The following COLEC12 variants were observed in gnomAD, a reference collection of about 807,000 sequenced individuals.
The protein encoded by COLEC12 is collectin-12.
A neutral mutation model predicts 71.1 loss-of-function variants in COLEC12; 33 were observed. The ratio of observed to expected loss-of-function variants is 0.46; its 90% CI spans 0.35 to 0.62. The LOEUF is 0.62. Ranked by LOEUF, COLEC12 falls within the 20% of genes least tolerant of loss-of-function variation. COLEC12 has a pLI of 0.00. For missense variants in COLEC12, 765 were observed against 916.1 expected (o/e 0.84, Z 2.13); for synonymous variants, 350 against 353.0 (o/e 0.99, Z 0.10).
intron 9 of COLEC12, among the ~76,000 whole-genome samples, chr18:321,177 C>G (rs1172230395): frequency 2.0e-5 from 3 of 152,214 alleles, no homozygotes; most frequent in Non-Finnish European, 4.4e-5. Flanking sequence ...GCCTCAGCCT[C>G]CTGAGTAGCT....
intron 2 of COLEC12, among the ~76,000 whole-genome samples, chr18:418,432 G>T (rs1916030988): frequency 6.6e-6 from 1 of 152,180 alleles, no homozygotes; most frequent in Non-Finnish European, 1.5e-5. Context: ...TCCTGGGTCT[G>T]TCTCTGTCAG....
At chr18:332,557 T>C (rs1223349374) in intron 7 of COLEC12, among the ~76,000 whole-genome samples, 3 of 152,186 alleles carry the variant, frequency 2.0e-5, no homozygotes, top group African/African-American at 7.2e-5. Flanking sequence ...GCCTGGCATA[T>C]AGAGGGTCTA....
At chr18:373,808 C>T (rs1259798608) in intron 2 of COLEC12, among the ~76,000 whole-genome samples, 2 of 152,058 alleles carry the variant, frequency 1.3e-5, no homozygotes, top group Non-Finnish European at 2.9e-5. Flanking sequence ...ACTTGGTGCA[C>T]ACCCTGTGTC....
intron 2 of COLEC12, among the ~76,000 whole-genome samples, chr18:390,421 GCT>G (rs1915438501): frequency 6.6e-6 from 1 of 152,148 alleles, no homozygotes; most frequent in African/African-American, 2.4e-5. Context: ...AGTTCAATGG[GCT>G]AAGGATCATT....
At chr18:442,743 C>T (rs1168100325) in intron 2 of COLEC12, among the ~76,000 whole-genome samples, 3 of 152,214 alleles carry the variant, frequency 2.0e-5, no homozygotes, top group Admixed American at 6.5e-5. Flanking sequence ...AGGCGGATCA[C>T]GAGGTAAGGA....
intron 4 of COLEC12, 29 bp from the exon 5 acceptor site, chr18:347,370 T>C (rs534584849): frequency 1.8e-5 from 29 of 1,580,214 alleles, no homozygotes; most frequent in East Asian, 6.7e-5. Context: ...GTGACTTATA[T>C]TGGTGGTATG....
At chr18:324,609 A>C (rs1250869903) in intron 8 of COLEC12, among the ~76,000 whole-genome samples, 2 of 152,136 alleles carry the variant, frequency 1.3e-5, no homozygotes, top group African/African-American at 4.8e-5. Context: ...TGGGTGGATC[A>C]CCTGAGGTCA....
At chr18:343,288 C>T (rs1193090472) in intron 5 of COLEC12, among the ~76,000 whole-genome samples, 2 of 152,146 alleles carry the variant, frequency 1.3e-5, no homozygotes, top group Non-Finnish European at 2.9e-5. Flanking sequence ...CACCTTGAGG[C>T]CGAGGACTCC....
intron 3 of COLEC12, among the ~76,000 whole-genome samples, chr18:349,663 GGA>G (rs1914465227): frequency 6.6e-6 from 1 of 152,212 alleles, no homozygotes; most frequent in South Asian, 2.1e-4. Context: ...AAAGCAGCAG[GGA>G]GAGAGGCTGT....
intron 2 of COLEC12, among the ~76,000 whole-genome samples, chr18:440,974 C>T (rs1489652413): frequency 3.9e-5 from 6 of 152,106 alleles, no homozygotes; most frequent in African/African-American, 1.2e-4. Flanking sequence ...GCAGGCCGGG[C>T]GTGGTGGCTC....
At chr18:430,071 G>A (rs1301502294) in intron 2 of COLEC12, among the ~76,000 whole-genome samples, 1 of 152,130 alleles carries the variant, frequency 6.6e-6, no homozygotes, top group Admixed American at 6.6e-5. Context: ...AATCCGGCTG[G>A]GCGTGGTGGC....
intron 2 of COLEC12, among the ~76,000 whole-genome samples, chr18:442,167 T>C (rs1194478038): frequency 6.7e-6 from 1 of 149,922 alleles, no homozygotes; most frequent in Admixed American, 6.6e-5. Flanking sequence ...AGTCAGAAAA[T>C]GACACAGAGA....
intron 3 of COLEC12, among the ~76,000 whole-genome samples, chr18:354,721 T>C (rs575848044): frequency 1.3e-5 from 2 of 152,084 alleles, no homozygotes; most frequent in Non-Finnish European, 2.9e-5. Flanking sequence ...TCATTAATGG[T>C]GTGTTTGGAA....
chr18:453,260 CA>C (rs1418942448), intron 2 of COLEC12, among the ~76,000 whole-genome samples: 1 of 152,068 alleles, frequency 6.6e-6, no homozygotes, highest in African/African-American at 2.4e-5. Flanking sequence ...GACACAAGGA[CA>C]AGAGGCACTC....
intron 5 of COLEC12, among the ~76,000 whole-genome samples, chr18:343,367 G>A (rs1914299428): frequency 6.6e-6 from 1 of 151,996 alleles, no homozygotes; most frequent in Non-Finnish European, 1.5e-5. Flanking sequence ...CTGTTGTCAG[G>A]GCAAGGAAAG....
At position 373,350 on chromosome 18, in the gene COLEC12, T is replaced by C. The variant is rs948393640; in HGVS notation, c.59-15828A>G. On this transcript the variant is annotated intron_variant, in intron 2 of 9. Coordinates refer to ENST00000400256, the MANE Select transcript of COLEC12 (RefSeq NM_130386.3). ...TCTCCCACGAGGCTTTCGATCCTAA[T>C]GTAAGGAGCAGACCTCTCCCGTCAG... Among the ~76,000 whole-genome samples, 7 of 152,136 alleles carry C rather than the reference T, an allele frequency of 4.6e-5. No homozygotes were observed. In the East Asian group the frequency reaches 5.8e-4, roughly 13 times the overall value.
chr18:382,676 T>C (rs532393855), intron 2 of COLEC12, among the ~76,000 whole-genome samples: 2 of 152,310 alleles, frequency 1.3e-5, no homozygotes, highest in East Asian at 3.9e-4. Context: ...ATAGGATTAT[T>C]GTATAGATTA....
chr18:441,247 CA>C (rs1212987466), intron 2 of COLEC12, among the ~76,000 whole-genome samples: 3 of 151,362 alleles, frequency 2.0e-5, no homozygotes, highest in Non-Finnish European at 4.4e-5. Flanking sequence ...GACTCTGTCT[CA>C]AAAAATAAAT....
chr18:443,194 T>C (rs1280089003), intron 2 of COLEC12, among the ~76,000 whole-genome samples: 1 of 152,256 alleles, frequency 6.6e-6, no homozygotes, highest in Non-Finnish European at 1.5e-5. Context: ...TGTAAGCTCT[T>C]AAAAACACAT....
Sources: allele counts gnomAD v4.1 joint callset (sites outside exome capture counted in the v4.1 genomes callset), GRCh38; gene constraint gnomAD v4.1.1; transcripts MANE v1.5; gene names NCBI Gene and HGNC (gene_info 2026-07-23, HGNC 2026-07-21).